ITGA8: variants seen among roughly 807,000 people sequenced by gnomAD.
The protein encoded by ITGA8 is integrin subunit alpha 8, also known as integrin alpha-8.
In ITGA8, 91 loss-of-function variants were observed where a neutral mutation model predicts 142.3. That is an observed-to-expected ratio of 0.64 (90% CI 0.54 to 0.76). The LOEUF (loss-of-function observed/expected upper bound fraction) is 0.76, where lower values mean the gene tolerates loss of function less well. Among genes scored for constraint, ITGA8 ranks in the 30% least tolerant of loss-of-function variants. ITGA8 has a pLI of 0.00. For synonymous variants in ITGA8, 505 were observed against 485.2 expected (o/e 1.04, Z -0.54); for missense variants, 1,406 against 1,327.7 (o/e 1.06, Z -0.92).
chr10:15,660,983 A>C, intron 8 of ITGA8, 61 bp from the exon 9 acceptor site: 1 of 1,346,128 alleles, frequency 7.4e-7, no homozygotes, highest in Non-Finnish European at 1.1e-6. Flanking sequence ...ACACACACAC[A>C]CGCCATATAC....
rs1432730808 is a variant in ITGA8, at chr10:15,568,234, T to C, written c.2637+3977A>G. Among the ~76,000 whole-genome samples the C allele has an allele frequency of 6.6e-5, 10 of 152,294 alleles. No individual in the cohort carries two copies. In the East Asian group the frequency reaches 1.9e-3, roughly 29 times the overall value. ...CCATGCTCCTGGTCCAAGACAAATA[T>C]TCAGAATAAGAACTCACTGACTTCT... On this transcript the variant is annotated intron_variant, in intron 25 of 29. Transcript: ENST00000378076.
chr10:15,563,606 T>C (rs1452140269), intron 25 of ITGA8, among the ~76,000 whole-genome samples: 2 of 152,136 alleles, frequency 1.3e-5, no homozygotes, highest in Non-Finnish European at 2.9e-5. Flanking sequence ...GTAATAGTAG[T>C]GGTGGTGCTA....
At position 15,674,759 on chromosome 10, in the gene ITGA8, T is replaced by C. The variant is rs145639475; in HGVS notation, c.677-2010A>G. ...GAGTTTGAGACCAGTCTGACCAACA[T>C]TGTGAAACCCTGTCTACTAAAAATA... On this transcript the variant is annotated intron_variant, in intron 6 of 29. Transcript: ENST00000378076. 2.2e-3 allele frequency among the ~76,000 whole-genome samples: 337 copies of C among 152,124 alleles called. 2 individuals are homozygous for C. The highest frequency in any genetic ancestry group is 7.8e-3 in the African/African-American group (322 of 41,492).
intron 13 of ITGA8, among the ~76,000 whole-genome samples, chr10:15,624,353 C>T (rs1833544577): frequency 6.6e-6 from 1 of 152,236 alleles, no homozygotes; most frequent in African/African-American, 2.4e-5. Context: ...TGCTGAATCT[C>T]TGGTGGTCTT....
chr10:15,606,855 C>G (rs778114828), intron 17 of ITGA8, among the ~76,000 whole-genome samples: 3 of 152,206 alleles, frequency 2.0e-5, no homozygotes, highest in Non-Finnish European at 2.9e-5. Flanking sequence ...CTCTTCCTCT[C>G]ATCATCTTTT....
rs895459159 is a variant in ITGA8 at position 15,647,124 on chromosome 10, T to C, written c.1002-73A>G. On this transcript the variant is annotated intron_variant, in intron 11 of 29. Transcript: ENST00000378076. The stretch of plus-strand genomic sequence containing the variant: ...TCACTTTGGGTTATTTGTAATCAAC[T>C]AGACTAGTAAATTTCCATTGGTATT... The C allele has an allele frequency of 3.8e-5, 42 of 1,103,930 alleles. 2 individuals are homozygous for C. The highest frequency in any genetic ancestry group is 1.2e-5 in the Non-Finnish European group (9 of 733,494). 68.4% of individuals were successfully genotyped at this position (1,103,930 alleles called of 1,614,324 possible).
chr10:15,565,200 A>T (rs1303657394), intron 25 of ITGA8, among the ~76,000 whole-genome samples: 1 of 152,234 alleles, frequency 6.6e-6, no homozygotes, highest in Non-Finnish European at 1.5e-5. Context: ...CACAGGTAGC[A>T]TTCCCATAAG....
At chr10:15,695,686 G>A (rs1835038034) in intron 2 of ITGA8, among the ~76,000 whole-genome samples, 1 of 152,170 alleles carries the variant, frequency 6.6e-6, no homozygotes, top group South Asian at 2.1e-4. Flanking sequence ...CTGAAAGTAT[G>A]GAAAATACAT....
chr10:15,548,485 C>T lies in ITGA8; in HGVS notation c.2850G>A (p.Arg950=). 2 of 1,609,574 alleles carry T rather than the reference C, an allele frequency of 1.2e-6. No individual in the cohort carries two copies. Among genetic ancestry groups the T allele is most frequent in the Non-Finnish European group, 1.7e-6 (2 of 1,178,578 alleles). ...GGAAGGTGTGGGCCCATAATCGTGA[C>T]CTGACTTTCAGGACTGCGCTTTCTC... The part of the protein sequence containing the change: ...EGGESAVLKV[R]SRLWAHTFLQ... Residue 950 remains arginine, a synonymous_variant, in exon 27 of 30, where the codon AGG becomes AGA. Coordinates refer to ENST00000378076, the MANE Select transcript of ITGA8 (RefSeq NM_003638.3).
rs940863353 is a variant in ITGA8 at position 15,613,748 on chromosome 10, C to T, written c.1465G>A (p.Val489Ile). Residue 489 changes from valine to isoleucine, a missense_variant, in exon 15 of 30, where the codon GTA (valine) becomes ATA (isoleucine). Transcript: ENST00000378076. The part of the protein sequence containing the change: ...AVYRARPVVT[V>I]DAQLLLHPMI... The stretch of plus-strand genomic sequence containing the variant: ...GGGTGCAGCAGAAGCTGGGCATCTA[C>T]AGTCACAACCGGTCTTGCTCTGCGG... 4 of 1,613,706 alleles carry T rather than the reference C, an allele frequency of 2.5e-6. No individual in the cohort carries two copies. Among genetic ancestry groups the T allele is most frequent in the Non-Finnish European group, 3.4e-6 (4 of 1,179,706 alleles).
intron 2 of ITGA8, among the ~76,000 whole-genome samples, chr10:15,703,851 C>G (rs1835209982): frequency 6.6e-6 from 1 of 151,990 alleles, no homozygotes; most frequent in Admixed American, 6.5e-5. Flanking sequence ...TCCCCCAAAA[C>G]ACAAAAGCCC....
intron 24 of ITGA8, among the ~76,000 whole-genome samples, chr10:15,572,895 CCTT>C (rs1421423922): frequency 7.9e-5 from 12 of 152,166 alleles, no homozygotes; most frequent in African/African-American, 2.4e-4. Flanking sequence ...AAGCTGAGCT[CCTT>C]CTGTTTCCAT....
chr10:15,634,036 C>A (rs1833728638), intron 13 of ITGA8, among the ~76,000 whole-genome samples: 1 of 152,146 alleles, frequency 6.6e-6, no homozygotes, highest in Non-Finnish European at 1.5e-5. Flanking sequence ...AGGGTCTTTG[C>A]TCATGCTGTG....
intron 13 of ITGA8, among the ~76,000 whole-genome samples, chr10:15,636,625 C>T (rs1261674492): frequency 6.6e-6 from 1 of 152,176 alleles, no homozygotes; most frequent in African/African-American, 2.4e-5. Flanking sequence ...TTACACCCAC[C>T]TCTTCCTTAC....
intron 2 of ITGA8, among the ~76,000 whole-genome samples, chr10:15,702,992 T>C (rs1446512406): frequency 6.6e-6 from 1 of 152,214 alleles, no homozygotes; most frequent in Admixed American, 6.5e-5. Flanking sequence ...TTCCTCTAGT[T>C]CATAGTGAAA....
At chr10:15,665,332 T>C (rs2131677301) in intron 8 of ITGA8, among the ~76,000 whole-genome samples, 1 of 152,368 alleles carries the variant, frequency 6.6e-6, no homozygotes, top group Non-Finnish European at 1.5e-5. Context: ...AAATGTCTGT[T>C]CATATCCTTC....
intron 11 of ITGA8, among the ~76,000 whole-genome samples, chr10:15,650,373 A>C (rs534027213): frequency 1.3e-5 from 2 of 152,328 alleles, no homozygotes; most frequent in Non-Finnish European, 2.9e-5. Flanking sequence ...TATTAATGGC[A>C]TTTGGAGGTA....
At chr10:15,521,733 C>T (rs564903314) in intron 28 of ITGA8, among the ~76,000 whole-genome samples, 7 of 152,306 alleles carry the variant, frequency 4.6e-5, no homozygotes, top group South Asian at 4.1e-4. Context: ...GTACACTCTG[C>T]GCACCACTGT....
chr10:15,657,091 A>T (rs1013553373), intron 10 of ITGA8, among the ~76,000 whole-genome samples: 5 of 152,192 alleles, frequency 3.3e-5, no homozygotes, highest in African/African-American at 1.2e-4. Context: ...TGTGGCCTTT[A>T]CTCAGAGGAA....
Sources: gnomAD v4.1 joint callset for allele counts (sites outside exome capture counted in the v4.1 genomes callset) on GRCh38, gnomAD v4.1.1 for gene constraint, MANE v1.5 for transcripts, NCBI Gene and HGNC (gene_info 2026-07-23, HGNC 2026-07-21) for gene names.